Variants in ARID4A observed in about 807,000 individuals in gnomAD.
ARID4A encodes the protein AT-rich interactive domain-containing protein 4A.
In ARID4A, 39 loss-of-function variants were observed where a neutral mutation model predicts 148.6. The ratio of observed to expected loss-of-function variants is 0.26; its 90% CI spans 0.20 to 0.34. The LOEUF (loss-of-function observed/expected upper bound fraction) is 0.34. ARID4A is among the 10% of genes least tolerant of loss of function. The pLI, the probability that ARID4A is intolerant of heterozygous loss-of-function variation, is 1.00. For missense variants in ARID4A, 1,265 were observed against 1,449.1 expected, an observed-to-expected ratio of 0.87 and a Z score of 2.06; for synonymous variants, 475 against 481.2, an observed-to-expected ratio of 0.99 and a Z score of 0.17.
intron 11 of ARID4A, among the ~76,000 whole-genome samples, chr14:58,336,635 C>T (rs1345582034): frequency 1.3e-5 from 2 of 152,084 alleles, no homozygotes; most frequent in Non-Finnish European, 2.9e-5. Context: ...AAACGTTTAC[C>T]TTTTGTAGGA....
At chr14:58,312,436 G>T (rs1333635447) in intron 5 of ARID4A, among the ~76,000 whole-genome samples, 1 of 151,830 alleles carries the variant, frequency 6.6e-6, no homozygotes, top group Non-Finnish European at 1.5e-5. Context: ...GGCCAGTCTC[G>T]AACTCCTGAG....
In ARID4A at chr14:58,362,796, G is replaced by A. The variant is rs557776636; in HGVS notation, c.2081-1374G>A. On this transcript the variant is annotated intron_variant, in intron 19 of 23. Coordinates refer to ENST00000355431, the MANE Select transcript of ARID4A (RefSeq NM_002892.4). Reference sequence around the variant, plus strand: ...TGGTCTCGCACTCTTGACCTCAAGTGATGTACCCGCCTCAGCGTCCTGAAG... The same window carrying A: ...TGGTCTCGCACTCTTGACCTCAAGTAATGTACCCGCCTCAGCGTCCTGAAG... 1.2e-4 allele frequency among the ~76,000 whole-genome samples: 18 copies of A among 152,208 alleles called. 1 individual carries two copies. The South Asian group carries it at 3.3e-3, about 28-fold the overall frequency.
intron 10 of ARID4A, 32 bp from the exon 11 acceptor site, chr14:58,329,971 T>C: frequency 6.3e-7 from 1 of 1,579,424 alleles, no homozygotes; most frequent in Non-Finnish European, 8.6e-7. Context: ...GCCAATTCCA[T>C]AGCAACTGCT....
chr14:58,332,636 G>T (rs1208090976), intron 11 of ARID4A, among the ~76,000 whole-genome samples: 1 of 152,114 alleles, frequency 6.6e-6, no homozygotes, highest in African/African-American at 2.4e-5. Context: ...GGAGGGGAAT[G>T]ACTATGATGT....
chr14:58,299,604 G>T lies in ARID4A; in HGVS notation c.-57-194G>T, dbSNP rs973874135. 17 of 582,308 alleles carry T rather than the reference G, an allele frequency of 2.9e-5. No homozygotes were observed. The Admixed American group carries it at 5.1e-4, about 18-fold the overall frequency. 36.1% of individuals were successfully genotyped at this position (582,308 alleles called of 1,614,324 possible). On this transcript the variant is annotated intron_variant, in intron 1 of 23. Coordinates refer to ENST00000355431, the MANE Select transcript of ARID4A (RefSeq NM_002892.4). Reference sequence around the variant, plus strand: ...CGCTGGCGAGCTCCGGGGCGGAACGGGCTGCCCTTTGGCGCTCGTGGGGTT... The same window carrying T: ...CGCTGGCGAGCTCCGGGGCGGAACGTGCTGCCCTTTGGCGCTCGTGGGGTT...
chr14:58,310,153 AT>A (rs1243681112), intron 5 of ARID4A, among the ~76,000 whole-genome samples: 1 of 151,642 alleles, frequency 6.6e-6, no homozygotes, highest in Non-Finnish European at 1.5e-5. Context: ...TTCCCATGAT[AT>A]TTTCTTAATG....
intron 17 of ARID4A, 96 bp from the exon 18 acceptor site, chr14:58,359,036 C>A (rs111689508): frequency 1.5e-6 from 2 of 1,300,468 alleles, no homozygotes; most frequent in Non-Finnish European, 1.0e-6. Context: ...ACTATTTAAT[C>A]TGTCTCACTG....
chr14:58,325,744 G>A (rs767691346), intron 8 of ARID4A, among the ~76,000 whole-genome samples: 1 of 152,046 alleles, frequency 6.6e-6, no homozygotes, highest in Admixed American at 6.6e-5. Flanking sequence ...TCAGTTCCTA[G>A]ATAATAGATT....
Position 58,299,792 on chromosome 14 carries a change from C to G in ARID4A, c.-57-6C>G, listed in dbSNP as rs2030976746. ...TGTCTGTGCCTGTCTTTCCCCCTCC[C>G]CATAGTTCTAGCGACTGCGAAGATA... is the stretch of plus-strand genomic sequence containing the variant. On this transcript the variant is annotated splice_region_variant and splice_polypyrimidine_tract_variant and intron_variant, in intron 1 of 23. Transcript: ENST00000355431. 6.2e-7 allele frequency: 1 copy of G among 1,612,988 alleles called. No homozygotes were observed.
intron 2 of ARID4A, among the ~76,000 whole-genome samples, chr14:58,300,335 T>C (rs1424805630): frequency 1.3e-5 from 2 of 151,108 alleles, no homozygotes; most frequent in Non-Finnish European, 2.9e-5. Flanking sequence ...ATAATAGTTT[T>C]AGTTAAATCT....
rs1441442085 is a variant in ARID4A at position 58,330,018 on chromosome 14, G to T, written c.755G>T (p.Ser252Ile). 1.2e-6 allele frequency: 2 copies of T among 1,609,548 alleles called. No individual in the cohort carries two copies. Among genetic ancestry groups the T allele is most frequent in the African/African-American group, 2.7e-5 (2 of 74,600 alleles). Residue 252 changes from serine to isoleucine, a missense_variant, in exon 11 of 24, where the codon AGC (serine) becomes ATC (isoleucine). By Grantham distance (142) the Ser-to-Ile change is moderately radical. Transcript: ENST00000355431. ...TCACTCTTAGGGCTTCAGAAAGCAA[G>T]CATCTTCTTAAAAACTAGAGTTGTT... ...LSTKPGLQKA[S>I]IFLKTRVVPD...
At position 58,318,542 on chromosome 14, in the gene ARID4A, T is replaced by C; in HGVS notation, c.275T>C (p.Val92Ala). ...CTCTGTTATCTTTTGCTTATTATAG[T>C]GTTTGATGATGGTGATGAGCGAACA... ...KLTDASWYTV[V>A]FDDGDERTLR... Residue 92 changes from valine (V) to alanine (A), a missense_variant and splice_region_variant, in exon 6 of 24, where the codon GTG (valine) becomes GCG (alanine). Val to Ala is a moderately conservative substitution (Grantham distance 64). This residue lies in a region of ARID4A where 21 missense variants were observed against 36.5 expected (regional missense o/e 0.58). Transcript: ENST00000355431. The C allele has an allele frequency of 5.0e-6, 8 of 1,614,070 alleles. No individual in the cohort carries two copies. The highest frequency in any genetic ancestry group is 6.8e-6 in the Non-Finnish European group (8 of 1,179,930).
Position 58,364,298 on chromosome 14 carries a change from C to A in ARID4A, c.2209C>A (p.Pro737Thr). The part of the protein sequence containing the change: ...LNDDKLDEEN[P>T]KISAHILKEN... ...TGATGATAAGCTAGATGAAGAAAAT[C>A]CAAAGATTTCTGCACATATATTAAA... The change falls in exon 20 of 24, where the codon CCA becomes ACA. Residue 737 changes from proline (P) to threonine (T), a missense_variant. Transcript: ENST00000355431. 1.3e-6 allele frequency: 2 copies of A among 1,555,204 alleles called. No individual in the cohort carries two copies. The highest frequency in any genetic ancestry group is 1.3e-5 in the South Asian group (1 of 79,198).
At chr14:58,329,710 A>G in intron 10 of ARID4A, 106 bp downstream of exon 10, 1 of 1,058,980 alleles carries the variant, frequency 9.4e-7, no homozygotes, top group Non-Finnish European at 1.4e-6. Context: ...TTAACTGTTT[A>G]GAGTTGATAT....
At position 58,330,138 on chromosome 14, in the gene ARID4A, A is replaced by C. The variant is rs2033439570; in HGVS notation, c.875A>C (p.Glu292Ala). 2 of 1,612,554 alleles carry C rather than the reference A, an allele frequency of 1.2e-6. No homozygotes were observed. Among genetic ancestry groups the C allele is most frequent in the African/African-American group, 1.3e-5 (1 of 74,952 alleles). Residue 292 changes from glutamate to alanine, a missense_variant, in exon 11 of 24, where the codon GAA becomes GCA. Glu to Ala is a moderately radical substitution (Grantham distance 107, BLOSUM62 -1). Coordinates refer to ENST00000355431, the MANE Select transcript of ARID4A (RefSeq NM_002892.4). ...GPAEENDEEK[E>A]KEAKKTEEEV... The stretch of plus-strand genomic sequence containing the variant: ...GCTGAAGAAAATGATGAAGAGAAGG[A>C]AAAGGAGGCCAAAAAGACAGAAGAA...
intron 9 of ARID4A, among the ~76,000 whole-genome samples, 161 bp from the exon 10 acceptor site, chr14:58,329,367 G>GT (rs1165207555): frequency 2.6e-5 from 4 of 152,036 alleles, no homozygotes; most frequent in Non-Finnish European, 5.9e-5. Context: ...AACTTTGCCC[G>GT]TATTTCCTCT....
At chr14:58,327,437 C>A (rs973146050) in intron 8 of ARID4A, among the ~76,000 whole-genome samples, 13 of 151,186 alleles carry the variant, frequency 8.6e-5, no homozygotes, top group Middle Eastern at 3.5e-3. Flanking sequence ...TTAAAAAGTT[C>A]TTTGTTCATG....
At position 58,344,781 on chromosome 14, in the gene ARID4A, C is replaced by T; in HGVS notation, c.979+14C>T. The T allele has an allele frequency of 6.3e-7, 1 of 1,592,060 alleles. No homozygotes were observed. The highest frequency in any genetic ancestry group is 8.6e-7 in the Non-Finnish European group (1 of 1,162,634). ...TGGAAGACAGAGGTATTTTCATGCT[C>T]ATTATTTTAAAGTAGTCATTTCTTT... On this transcript the variant is annotated intron_variant, in intron 12 of 23. Transcript: ENST00000355431.
intron 2 of ARID4A, among the ~76,000 whole-genome samples, chr14:58,300,518 A>G (rs1041313532): frequency 6.6e-6 from 1 of 152,114 alleles, no homozygotes; most frequent in Non-Finnish European, 1.5e-5. Flanking sequence ...ATTCCTATTC[A>G]ATTTGTATTT....
Sources: allele counts gnomAD v4.1 joint callset (sites outside exome capture counted in the v4.1 genomes callset), GRCh38; gene constraint gnomAD v4.1.1; regional missense constraint gnomAD v4.1.1; transcripts MANE v1.5; gene names NCBI Gene and HGNC (gene_info 2026-07-23, HGNC 2026-07-21).